Variants in MBOAT2 observed in about 807,000 individuals in gnomAD.
MBOAT2 encodes membrane-bound glycerophospholipid O-acyltransferase 2.
In MBOAT2, 28 loss-of-function variants were observed where a neutral mutation model predicts 63.4. That is an observed-to-expected ratio of 0.44 (90% confidence interval 0.33 to 0.61). The LOEUF is 0.61. Ranked by LOEUF, MBOAT2 falls within the 20% of genes least tolerant of loss-of-function variation. The pLI is 0.03. For missense variants in MBOAT2, 470 were observed against 605.8 expected, an observed-to-expected ratio of 0.78 and a Z score of 2.35; for synonymous variants, 211 against 215.6, an observed-to-expected ratio of 0.98 and a Z score of 0.19.
chr2:8,970,791 C>T (rs190331655), intron 1 of MBOAT2, among the ~76,000 whole-genome samples: 165 of 152,254 alleles, frequency 1.1e-3, no homozygotes, highest in African/African-American at 3.0e-3. Flanking sequence ...ATGAATTCCT[C>T]GACACATACA....
At chr2:8,880,980 A>G (rs1364024888) in intron 6 of MBOAT2, among the ~76,000 whole-genome samples, 1 of 152,226 alleles carries the variant, frequency 6.6e-6, no homozygotes, top group Non-Finnish European at 1.5e-5. Flanking sequence ...CTAAAGGAAC[A>G]TGCAGTAATG....
chr2:8,960,217 A>G (rs1458377070), intron 1 of MBOAT2, among the ~76,000 whole-genome samples: 1 of 152,232 alleles, frequency 6.6e-6, no homozygotes, highest in Admixed American at 6.5e-5. Flanking sequence ...ACTCACATCT[A>G]CATGGCTTCT....
intron 5 of MBOAT2, among the ~76,000 whole-genome samples, 191 bp downstream of exon 5, chr2:8,887,827 G>A (rs1200677294): frequency 6.6e-6 from 1 of 152,098 alleles, no homozygotes; most frequent in Non-Finnish European, 1.5e-5. Flanking sequence ...AATTCAAAAC[G>A]AAGATAAAAC....
intron 1 of MBOAT2, among the ~76,000 whole-genome samples, chr2:8,978,383 T>A (rs946904439): frequency 2.0e-5 from 3 of 152,140 alleles, no homozygotes; most frequent in Non-Finnish European, 2.9e-5. Context: ...ATGGACCCCA[T>A]GTTACTGACT....
intron 1 of MBOAT2, among the ~76,000 whole-genome samples, chr2:8,968,420 A>G (rs2103301910): frequency 6.6e-6 from 1 of 152,368 alleles, no homozygotes; most frequent in East Asian, 1.9e-4. Context: ...AAAACCACAA[A>G]GATGGGGAAA....
At chr2:8,876,228 T>C (rs1184357845) in intron 7 of MBOAT2, among the ~76,000 whole-genome samples, 1 of 152,212 alleles carries the variant, frequency 6.6e-6, no homozygotes, top group Non-Finnish European at 1.5e-5. Flanking sequence ...AAAATAAACA[T>C]TATGTTTGGT....
chr2:8,967,924 C>T (rs183001944), intron 1 of MBOAT2, among the ~76,000 whole-genome samples: 118 of 152,266 alleles, frequency 7.7e-4, no homozygotes, highest in African/African-American at 2.8e-3. Flanking sequence ...CAATAGTAGG[C>T]AGTTCCAAGA....
intron 1 of MBOAT2, among the ~76,000 whole-genome samples, chr2:8,972,791 G>A (rs1263505487): frequency 6.6e-6 from 1 of 152,214 alleles, no homozygotes; most frequent in Non-Finnish European, 1.5e-5. Flanking sequence ...CTGGCCATCA[G>A]AGAAATGCAA....
chr2:8,877,357 G>C (rs987726150), intron 6 of MBOAT2, 144 bp from the exon 7 acceptor site: 1 of 771,680 alleles, frequency 1.3e-6, no homozygotes, highest in Non-Finnish European at 2.0e-6. Flanking sequence ...AGAATTTTAA[G>C]GATCAGAACA....
rs1400080501 is a variant in MBOAT2, at chr2:8,908,362, C to CA, written c.395+258dup. 4.8e-5 allele frequency: 15 copies of CA among 314,352 alleles called. No individual in the cohort carries two copies. In the Admixed American group the frequency reaches 7.4e-4, roughly 15 times the overall value. 19.5% of individuals were successfully genotyped at this position (314,352 alleles called of 1,614,324 possible). ...TCTTGAGCGCCTTCTCTAGGAAACT[C>CA]AGACTGACCTAGCCCAAGGACCTAA... On this transcript the variant is annotated intron_variant, in intron 4 of 12. Transcript: ENST00000305997.
chr2:8,927,054 T>TTAGAGAGAGA (rs1182001416), intron 3 of MBOAT2, among the ~76,000 whole-genome samples: 1 of 152,158 alleles, frequency 6.6e-6, no homozygotes, highest in East Asian at 1.9e-4. Context: ...TCCAGTTACC[T>TTAGAGAGAGA]GGGCACCTTA....
At chr2:8,858,947 A>G in intron 12 of MBOAT2, 43 bp from the exon 13 acceptor site, 1 of 1,389,598 alleles carries the variant, frequency 7.2e-7, no homozygotes, top group Middle Eastern at 2.3e-4. Flanking sequence ...TTGATAATTA[A>G]TAATCCTTAA....
At chr2:8,937,674 C>G (rs1452660531) in intron 3 of MBOAT2, among the ~76,000 whole-genome samples, 1 of 152,090 alleles carries the variant, frequency 6.6e-6, no homozygotes, top group East Asian at 1.9e-4. Context: ...GGGAACCACG[C>G]CTGCAGAAAA....
At chr2:8,973,566 A>G (rs1165167916) in intron 1 of MBOAT2, among the ~76,000 whole-genome samples, 66 of 147,894 alleles carry the variant, frequency 4.5e-4, no homozygotes, top group Middle Eastern at 7.0e-3. Flanking sequence ...AAAAAAAAAA[A>G]GCAACAATAT....
chr2:8,885,962 G>A (rs958158643), intron 5 of MBOAT2, among the ~76,000 whole-genome samples: 6 of 152,128 alleles, frequency 3.9e-5, no homozygotes, highest in African/African-American at 1.4e-4. Context: ...GTGTGCCCAC[G>A]GCTGGTGTAT....
rs534126143 is a variant in MBOAT2 at position 8,978,859 on chromosome 2, A to G, written c.76-20217T>C. 3.9e-5 allele frequency among the ~76,000 whole-genome samples: 6 copies of G among 152,184 alleles called. No individual in the cohort carries two copies. In the East Asian group the frequency reaches 9.6e-4, roughly 24 times the overall value. ...ATTAAAAAAGCACCCATCTTAAAAA[A>G]AAAAGGTGGTGGGGGGAGGCAGGGG... On this transcript the variant is annotated intron_variant, in intron 1 of 12. Coordinates refer to ENST00000305997, the MANE Select transcript of MBOAT2 (RefSeq NM_138799.4).
At chr2:8,937,623 G>C (rs1667759632) in intron 3 of MBOAT2, among the ~76,000 whole-genome samples, 1 of 152,152 alleles carries the variant, frequency 6.6e-6, no homozygotes, top group Admixed American at 6.5e-5. Flanking sequence ...AGAGTCAGGA[G>C]GAGAGGGAGG....
chr2:8,965,113 G>A (rs753119635), intron 1 of MBOAT2, among the ~76,000 whole-genome samples: 4 of 152,100 alleles, frequency 2.6e-5, no homozygotes, highest in South Asian at 2.1e-4. Flanking sequence ...TGTATTACAC[G>A]AATACATGGA....
At chr2:8,883,203 G>A (rs1663274060) in intron 5 of MBOAT2, among the ~76,000 whole-genome samples, 1 of 151,978 alleles carries the variant, frequency 6.6e-6, no homozygotes, top group Non-Finnish European at 1.5e-5. Flanking sequence ...ACTAATATTA[G>A]TAAAGTAGTA....
Sources: gnomAD v4.1 joint callset for allele counts (sites outside exome capture counted in the v4.1 genomes callset) on GRCh38, gnomAD v4.1.1 for gene constraint, MANE v1.5 for transcripts, NCBI Gene and HGNC (gene_info 2026-07-23, HGNC 2026-07-21) for gene names.